ZNF469: variants seen among roughly 807,000 people sequenced by gnomAD.
The protein encoded by ZNF469 is zinc finger protein 469.
Under a neutral mutation model 1.0 loss-of-function variants are expected in ZNF469, and 1 was observed. The observed-to-expected ratio is 1.00, with a 90% CI of 0.35 to 4.73. ZNF469 has a LOEUF of 4.73. Among genes scored for constraint, ZNF469 ranks in the 30% most tolerant of loss-of-function variants. The pLI is 0.16. For synonymous variants in ZNF469, 2,703 were observed against 2,363.4 expected, an observed-to-expected ratio of 1.14 and a Z score of -4.17; for missense variants, 6,100 against 5,356.3, an observed-to-expected ratio of 1.14 and a Z score of -4.33.
the ZNF469 span, among the ~76,000 whole-genome samples, chr16:88,262,076 G>C: frequency 6.6e-6 from 1 of 152,192 alleles, no homozygotes; most frequent in South Asian, 2.1e-4. This position sits in a 1 kb window ranked among gnomAD's most constrained non-coding sequence, Gnocchi z 4.3. Context: ...GTGACAACCA[G>C]GTGAGCTGCA....
chr16:88,187,349 G>C, the ZNF469 span, among the ~76,000 whole-genome samples: 1 of 152,240 alleles, frequency 6.6e-6, no homozygotes, highest in Non-Finnish European at 1.5e-5. Context: ...GTCAGCATGA[G>C]AACACACGTT....
intron 1 of ZNF469, among the ~76,000 whole-genome samples, chr16:88,410,372 C>A (rs1905120310): frequency 6.6e-6 from 1 of 151,362 alleles, no homozygotes; most frequent in African/African-American, 2.4e-5. Flanking sequence ...GCAGGTCACA[C>A]AGTTTACGGT....
In ZNF469 at chr16:88,433,066, A is replaced by G; in HGVS notation, c.5596A>G (p.Thr1866Ala). Residue 1866 changes from threonine (T) to alanine (A), a missense_variant, in exon 3 of 3, where the codon ACT (threonine) becomes GCT (alanine). Coordinates refer to ENST00000565624, the MANE Select transcript of ZNF469 (RefSeq NM_001367624.2). ...EFAPAGASSL[T>A]APRGREAWLV... Reference sequence around the variant, plus strand: ...TGCACCGGCGGGGGCCTCCTCACTGACTGCCCCCCGGGGCAGGGAGGCTTG... The same window carrying G: ...TGCACCGGCGGGGGCCTCCTCACTGGCTGCCCCCCGGGGCAGGGAGGCTTG... 6.5e-7 allele frequency: 1 copy of G among 1,550,136 alleles called. No individual in the cohort carries two copies. The highest frequency in any genetic ancestry group is 1.4e-5 in the African/African-American group (1 of 73,102).
the ZNF469 span, among the ~76,000 whole-genome samples, chr16:88,205,180 G>A: frequency 6.6e-6 from 1 of 152,128 alleles, no homozygotes; most frequent in African/African-American, 2.4e-5. This position sits in a 1 kb window ranked among gnomAD's most constrained non-coding sequence, Gnocchi z 4.2. Context: ...ATTATTTTAG[G>A]AAAGTAAATG....
At chr16:88,189,472 C>T in the ZNF469 span, among the ~76,000 whole-genome samples, 1 of 152,152 alleles carries the variant, frequency 6.6e-6, no homozygotes, top group African/African-American at 2.4e-5. This position sits in a 1 kb window ranked among gnomAD's most constrained non-coding sequence, Gnocchi z 4.3. Flanking sequence ...TCTGCATGCC[C>T]CTGGGACGTG....
the ZNF469 span, among the ~76,000 whole-genome samples, chr16:88,152,019 G>A: frequency 6.6e-6 from 1 of 152,220 alleles, no homozygotes; most frequent in African/African-American, 2.4e-5. The surrounding 1 kb of genome is among the most constrained non-coding windows in gnomAD (Gnocchi z 4.2). Context: ...ACACAGAAGA[G>A]ATGGAAACGC....
At chr16:88,139,441 C>T in the ZNF469 span, among the ~76,000 whole-genome samples, 24 of 106,262 alleles carry the variant, frequency 2.3e-4, no homozygotes, top group East Asian at 8.9e-4. Flanking sequence ...AAAGTGGATC[C>T]AAAACCTTTT....
At chr16:88,249,704 G>A in the ZNF469 span, among the ~76,000 whole-genome samples, 2 of 152,136 alleles carry the variant, frequency 1.3e-5, no homozygotes, top group Non-Finnish European at 2.9e-5. Context: ...CCAAAGCGCT[G>A]GGATTACAGG....
the ZNF469 span, among the ~76,000 whole-genome samples, chr16:88,120,210 A>G: frequency 3.3e-5 from 5 of 152,228 alleles, no homozygotes; most frequent in African/African-American, 9.6e-5. Flanking sequence ...GAGGAGAGCA[A>G]TCTTCAGGGG....
the ZNF469 span, among the ~76,000 whole-genome samples, chr16:88,159,222 C>T: frequency 0.075 from 55 of 738 alleles, no homozygotes; most frequent in African/African-American, 0.086. Context: ...CCACTCTCAC[C>T]GTCCTGCAGC....
the ZNF469 span, among the ~76,000 whole-genome samples, chr16:88,195,727 C>T: frequency 1.3e-5 from 2 of 152,186 alleles, no homozygotes; most frequent in African/African-American, 2.4e-5. Context: ...CGGGGTGTCC[C>T]GAGATGCAAA....
At chr16:88,351,942 C>T in the ZNF469 span, among the ~76,000 whole-genome samples, 7 of 152,190 alleles carry the variant, frequency 4.6e-5, no homozygotes, top group East Asian at 1.9e-4. Context: ...ACGTGTCCCA[C>T]GTGAGGAAGG....
intron 1 of ZNF469, among the ~76,000 whole-genome samples, chr16:88,387,076 G>A (rs1041813147): frequency 3.9e-5 from 6 of 152,080 alleles, no homozygotes; most frequent in African/African-American, 1.4e-4. Context: ...TCTGCTTGTC[G>A]GGCCTCCCCA....
chr16:88,321,011 G>A, the ZNF469 span, among the ~76,000 whole-genome samples: 9,456 of 152,340 alleles, frequency 0.062, 328 homozygotes, highest in Middle Eastern at 0.071. Flanking sequence ...GCTGCCATCC[G>A]AGGCTGCCTT....
the ZNF469 span, among the ~76,000 whole-genome samples, chr16:88,315,371 C>A: frequency 6.6e-6 from 1 of 152,206 alleles, no homozygotes; most frequent in Non-Finnish European, 1.5e-5. Flanking sequence ...GCACACAGAC[C>A]CAGGAAGTGG....
the ZNF469 span, among the ~76,000 whole-genome samples, chr16:88,264,646 C>T: frequency 5.3e-5 from 8 of 151,804 alleles, no homozygotes; most frequent in Non-Finnish European, 7.4e-5. Context: ...ACCGCCTGAC[C>T]CCTGCATGGC....
the ZNF469 span, among the ~76,000 whole-genome samples, chr16:88,351,089 G>A: frequency 1.3e-5 from 2 of 152,236 alleles, no homozygotes; most frequent in Admixed American, 6.5e-5. Flanking sequence ...TGCTGGGCCT[G>A]TTTCCTGGTC....
At chr16:88,318,844 C>G in the ZNF469 span, among the ~76,000 whole-genome samples, 1 of 152,270 alleles carries the variant, frequency 6.6e-6, no homozygotes, top group African/African-American at 2.4e-5. Flanking sequence ...GCCCCAGCGT[C>G]CAGACGGCCA....
chr16:88,185,359 A>C, the ZNF469 span, among the ~76,000 whole-genome samples: 4 of 151,224 alleles, frequency 2.6e-5, no homozygotes, highest in African/African-American at 7.3e-5. Context: ...TGCACACACA[A>C]ACATACCTAT....
Sources: allele counts gnomAD v4.1 joint callset (sites outside exome capture counted in the v4.1 genomes callset), GRCh38; gene constraint gnomAD v4.1.1; non-coding constraint Gnocchi (gnomAD v3.1); transcripts MANE v1.5; gene names NCBI Gene and HGNC (gene_info 2026-07-23, HGNC 2026-07-21).